Variants in EXT2 observed in about 807,000 individuals in gnomAD.
EXT2 encodes exostosin glycosyltransferase 2.
EXT2 carries 53 observed loss-of-function variants against 81.6 expected under a neutral mutation model. That is an observed-to-expected ratio of 0.65 (90% confidence interval 0.52 to 0.82). The LOEUF (loss-of-function observed/expected upper bound fraction) is 0.82, where lower values mean the gene tolerates loss of function less well. EXT2 is among the 40% of genes least tolerant of loss of function. The pLI, the probability that EXT2 is intolerant of heterozygous loss-of-function variation, is 0.00. For synonymous variants in EXT2, 320 were observed against 340.0 expected (o/e 0.94, Z 0.65); for missense variants, 774 against 910.2 (o/e 0.85, Z 1.93).
rs768311130 is a variant in EXT2 at position 44,198,027 on chromosome 11, C to G, written c.1495+9C>G. On this transcript the variant is annotated intron_variant, in intron 9 of 13. Transcript: ENST00000533608. ...TAAAAACCCTCCAGAAGGTAAGAAGCCTTAGTGCCTCTCTCAGCTGGATCA... is the reference window on the plus strand; with the variant it reads ...TAAAAACCCTCCAGAAGGTAAGAAGGCTTAGTGCCTCTCTCAGCTGGATCA... 12 of 1,613,784 alleles carry G rather than the reference C, an allele frequency of 7.4e-6. No homozygotes were observed. Among genetic ancestry groups the G allele is most frequent in the African/African-American group, 1.3e-5 (1 of 74,912 alleles).
In EXT2 at chr11:44,171,485, G is replaced by A. The variant is rs1955072292; in HGVS notation, c.1174-126G>A. 1.2e-5 allele frequency: 17 copies of A among 1,422,500 alleles called. 1 individual carries two copies. The South Asian group carries it at 1.9e-4, about 16-fold the overall frequency. The allele number at this position is 1,422,500 out of a possible 1,614,324, so 88.1% of individuals were successfully genotyped here. A position where few individuals can be genotyped will look rare whatever the true frequency, so the allele number is the denominator to read the frequency against. ...GAACAGCAGGGAGCATATGCCCTAGGCACCCCCATCCCTACAACTTTGGGA... is the reference window on the plus strand; with the variant it reads ...GAACAGCAGGGAGCATATGCCCTAGACACCCCCATCCCTACAACTTTGGGA... On this transcript the variant is annotated intron_variant, in intron 7 of 13. Coordinates refer to ENST00000533608, the MANE Select transcript of EXT2 (RefSeq NM_207122.2).
chr11:44,228,062 G>A (rs976682110), intron 10 of EXT2, among the ~76,000 whole-genome samples: 20 of 152,232 alleles, frequency 1.3e-4, no homozygotes, highest in African/African-American at 4.1e-4. Context: ...GACTAGTGGT[G>A]TGGGATAGCC....
intron 10 of EXT2, among the ~76,000 whole-genome samples, chr11:44,213,777 G>C (rs1590653123): frequency 1.3e-5 from 2 of 152,294 alleles, no homozygotes; most frequent in East Asian, 3.9e-4. Context: ...TAGAATTTTA[G>C]AAGAAGAGAA....
intron 1 of EXT2, among the ~76,000 whole-genome samples, chr11:44,098,447 C>A (rs1385922245): frequency 6.6e-6 from 1 of 151,740 alleles, no homozygotes; most frequent in African/African-American, 2.4e-5. Context: ...AATCTCAGCA[C>A]TTTGGGAGGC....
chr11:44,219,109 G>A (rs940812764), intron 10 of EXT2, among the ~76,000 whole-genome samples: 4 of 152,010 alleles, frequency 2.6e-5, no homozygotes, highest in Non-Finnish European at 5.9e-5. Flanking sequence ...CCTAGAATCT[G>A]CAATTCTAAA....
chr11:44,224,724 C>G (rs773740172), intron 10 of EXT2, among the ~76,000 whole-genome samples: 6 of 152,228 alleles, frequency 3.9e-5, no homozygotes, highest in Middle Eastern at 3.4e-3. Context: ...AATAAGAAAA[C>G]AAAGGGGATA....
chr11:44,229,929 T>A (rs1266131445), intron 10 of EXT2, among the ~76,000 whole-genome samples: 1 of 152,230 alleles, frequency 6.6e-6, no homozygotes, highest in African/African-American at 2.4e-5. Flanking sequence ...AATACCACAG[T>A]GTATAAAACA....
intron 7 of EXT2, among the ~76,000 whole-genome samples, chr11:44,161,350 CAG>C (rs1954924830): frequency 1.3e-5 from 2 of 151,928 alleles, no homozygotes; most frequent in Non-Finnish European, 2.9e-5. Flanking sequence ...AATTGTAAGC[CAG>C]GATCAATGGC....
intron 5 of EXT2, 30 bp from the exon 6 acceptor site, chr11:44,126,786 G>A: frequency 1.2e-6 from 2 of 1,614,130 alleles, no homozygotes; most frequent in Non-Finnish European, 1.7e-6. Flanking sequence ...AAACTAGTTT[G>A]TAATCTCTTG....
chr11:44,218,938 C>A (rs903599275), intron 10 of EXT2, among the ~76,000 whole-genome samples: 11 of 151,066 alleles, frequency 7.3e-5, no homozygotes, highest in Non-Finnish European at 1.6e-4. Context: ...GCTGGGATTA[C>A]AGGAACCTGC....
intron 13 of EXT2, among the ~76,000 whole-genome samples, chr11:44,237,681 A>G (rs575793104): frequency 2.1e-4 from 32 of 152,244 alleles, no homozygotes; most frequent in African/African-American, 7.5e-4. Flanking sequence ...TAGGAAGAAA[A>G]GTTGACCTGA....
intron 10 of EXT2, among the ~76,000 whole-genome samples, chr11:44,219,815 G>C (rs142677189): frequency 6.6e-6 from 1 of 152,172 alleles, no homozygotes; most frequent in South Asian, 2.1e-4. Flanking sequence ...AAAAAAGGGG[G>C]CATCCCTAAC....
intron 10 of EXT2, among the ~76,000 whole-genome samples, chr11:44,214,910 G>A (rs531085968): frequency 6.6e-6 from 1 of 151,340 alleles, no homozygotes; most frequent in South Asian, 2.1e-4. Context: ...TCCCACTATG[G>A]CTAATTTTAT....
At chr11:44,110,313 T>C (rs1954124717) in intron 3 of EXT2, among the ~76,000 whole-genome samples, 1 of 152,238 alleles carries the variant, frequency 6.6e-6, no homozygotes, top group African/African-American at 2.4e-5. Flanking sequence ...AGTTTCTGTC[T>C]GGAAATATAA....
intron 10 of EXT2, among the ~76,000 whole-genome samples, chr11:44,209,667 G>A (rs1955624701): frequency 6.6e-6 from 1 of 152,158 alleles, no homozygotes; most frequent in Non-Finnish European, 1.5e-5. Flanking sequence ...ATTTTGTGGT[G>A]TTATCACAGT....
intron 8 of EXT2, among the ~76,000 whole-genome samples, chr11:44,188,963 G>A (rs183876644): frequency 6.6e-6 from 1 of 152,266 alleles, no homozygotes; most frequent in East Asian, 1.9e-4. Flanking sequence ...AGCAGGATAA[G>A]TAAAAGTAAA....
intron 12 of EXT2, among the ~76,000 whole-genome samples, chr11:44,236,052 C>T (rs1312772723): frequency 6.6e-6 from 1 of 152,208 alleles, no homozygotes; most frequent in Non-Finnish European, 1.5e-5. Context: ...GTCATCACCA[C>T]TTCTTTCCAG....
intron 10 of EXT2, among the ~76,000 whole-genome samples, chr11:44,227,100 C>T (rs926115302): frequency 2.0e-5 from 3 of 152,138 alleles, no homozygotes; most frequent in Non-Finnish European, 4.4e-5. Flanking sequence ...AGTGCTGGCC[C>T]GTGATTTCAT....
chr11:44,222,153 T>C (rs1311418906), intron 10 of EXT2, among the ~76,000 whole-genome samples: 2 of 152,156 alleles, frequency 1.3e-5, no homozygotes, highest in Non-Finnish European at 2.9e-5. Context: ...TTACTAGTAA[T>C]ATTTCTAGGT....
Sources: gnomAD v4.1 joint callset for allele counts (sites outside exome capture counted in the v4.1 genomes callset) on GRCh38, gnomAD v4.1.1 for gene constraint, MANE v1.5 for transcripts, NCBI Gene and HGNC (gene_info 2026-07-23, HGNC 2026-07-21) for gene names.